The following RGS6 variants were observed in gnomAD, a reference collection of about 807,000 sequenced individuals.
The protein encoded by RGS6 is regulator of G protein signaling 6, also known as regulator of G-protein signaling 6.
Under a neutral mutation model 78.5 loss-of-function variants are expected in RGS6, and 30 were observed. The observed-to-expected ratio is 0.38, with a 90% CI of 0.29 to 0.52. The LOEUF (loss-of-function observed/expected upper bound fraction) is 0.52, where lower values mean the gene tolerates loss of function less well. Among genes scored for constraint, RGS6 ranks in the 20% least tolerant of loss-of-function variants. RGS6 has a pLI of 0.85. For missense variants in RGS6, 495 were observed against 609.7 expected, an observed-to-expected ratio of 0.81 and a Z score of 1.98; for synonymous variants, 206 against 206.0, an observed-to-expected ratio of 1.00 and a Z score of 0.00.
intron 2 of RGS6, among the ~76,000 whole-genome samples, chr14:72,126,099 A>C (rs1447617158): frequency 2.6e-5 from 4 of 152,216 alleles, no homozygotes; most frequent in Non-Finnish European, 5.9e-5. Flanking sequence ...CATCTGCCCA[A>C]GTACAGTAAA....
intron 3 of RGS6, among the ~76,000 whole-genome samples, chr14:72,400,645 T>A (rs2092277978): frequency 6.6e-6 from 1 of 152,212 alleles, no homozygotes; most frequent in South Asian, 2.1e-4. Flanking sequence ...GCCTCATAAT[T>A]GTTCAGTATT....
intron 2 of RGS6, among the ~76,000 whole-genome samples, chr14:72,183,667 C>T (rs1447879959): frequency 6.6e-6 from 1 of 152,062 alleles, no homozygotes; most frequent in African/African-American, 2.4e-5. Context: ...GGGAGGGGGA[C>T]ATACAGTAAG....
chr14:72,156,270 C>T (rs2096768742), intron 2 of RGS6, among the ~76,000 whole-genome samples: 1 of 152,116 alleles, frequency 6.6e-6, no homozygotes, highest in South Asian at 2.1e-4. Flanking sequence ...CATGGTGAAA[C>T]CTTGTCTCTA....
chr14:72,272,557 G>A (rs143869864), intron 2 of RGS6, among the ~76,000 whole-genome samples: 39 of 152,270 alleles, frequency 2.6e-4, no homozygotes, highest in African/African-American at 9.1e-4. Flanking sequence ...GGAAAATGCA[G>A]TGCCATTATT....
At chr14:72,554,820 T>C (rs2097548882) in intron 17 of RGS6, among the ~76,000 whole-genome samples, 2 of 152,214 alleles carry the variant, frequency 1.3e-5, no homozygotes, top group African/African-American at 2.4e-5. Context: ...AAAATGGAGA[T>C]GCACAACTTG....
chr14:72,410,875 T>C (rs1332078930), intron 3 of RGS6, among the ~76,000 whole-genome samples: 1 of 152,186 alleles, frequency 6.6e-6, no homozygotes, highest in African/African-American at 2.4e-5. Flanking sequence ...GATCAGATAG[T>C]TGTAGATATG....
chr14:72,620,547 G>C, the RGS6 span, among the ~76,000 whole-genome samples: 6 of 152,198 alleles, frequency 3.9e-5, no homozygotes, highest in African/African-American at 1.2e-4. Context: ...GCCCGGGTGA[G>C]AGCAGGGCAC....
At chr14:72,204,264 CTCAGAAG>C (rs1264360627) in intron 2 of RGS6, among the ~76,000 whole-genome samples, 90 of 152,336 alleles carry the variant, frequency 5.9e-4, no homozygotes, top group African/African-American at 2.1e-3. Context: ...GCAACCTAAT[CTCAGAAG>C]CAACATACCA....
chr14:71,936,502 A>G (rs12434220), intron 1 of RGS6, among the ~76,000 whole-genome samples: 42,529 of 152,014 alleles, frequency 0.28, 6,558 homozygotes, highest in Admixed American at 0.35. Flanking sequence ...GGTGACACTC[A>G]GTATTAACCA....
intron 2 of RGS6, among the ~76,000 whole-genome samples, chr14:72,098,301 T>G (rs2095451861): frequency 6.6e-6 from 1 of 152,232 alleles, no homozygotes; most frequent in Admixed American, 6.5e-5. Flanking sequence ...TTCATTTCCC[T>G]GGCCTCTTGG....
chr14:72,325,065 G>T (rs1328877927), intron 2 of RGS6, among the ~76,000 whole-genome samples: 2 of 152,146 alleles, frequency 1.3e-5, no homozygotes, highest in East Asian at 1.9e-4. Context: ...GTGTGAGATG[G>T]TATCTCATTG....
chr14:72,562,688 G>A lies in RGS6; in HGVS notation c.*221G>A. The A allele has an allele frequency of 6.5e-7, 1 of 1,536,152 alleles. No homozygotes were observed. ...TGGGCTGGGCCCGGTGGAGGCTCCT[G>A]TTTACAGCCCTCTCTTCTTTGTACA... is the stretch of plus-strand genomic sequence containing the variant. On this transcript the variant is annotated 3_prime_UTR_variant, in exon 18 of 18. Transcript: ENST00000553525.
the RGS6 span, among the ~76,000 whole-genome samples, chr14:71,916,605 G>A: frequency 3.0e-4 from 46 of 152,194 alleles, no homozygotes; most frequent in African/African-American, 1.1e-3. Flanking sequence ...AATGCTTTAG[G>A]AATTCTCCAG....
chr14:72,314,135 A>C (rs2069392665), intron 2 of RGS6, among the ~76,000 whole-genome samples: 1 of 152,196 alleles, frequency 6.6e-6, no homozygotes, highest in Non-Finnish European at 1.5e-5. Context: ...TTCATTGGAA[A>C]TGTTTTGTCT....
chr14:71,882,719 A>T, the RGS6 span, among the ~76,000 whole-genome samples: 1 of 152,248 alleles, frequency 6.6e-6, no homozygotes. Flanking sequence ...CCAAGGTTAT[A>T]ATTAATTCCT....
At chr14:72,175,446 T>C (rs936691133) in intron 2 of RGS6, among the ~76,000 whole-genome samples, 3 of 152,200 alleles carry the variant, frequency 2.0e-5, no homozygotes, top group African/African-American at 7.2e-5. Context: ...ACTGACTTGT[T>C]TTCTTCATGC....
intron 2 of RGS6, among the ~76,000 whole-genome samples, chr14:72,161,079 G>A (rs1210164100): frequency 1.3e-5 from 2 of 152,168 alleles, no homozygotes; most frequent in African/African-American, 2.4e-5. Flanking sequence ...GGATGAGTTC[G>A]TGTCCTTTGC....
intron 2 of RGS6, among the ~76,000 whole-genome samples, chr14:72,242,179 T>C (rs2053034457): frequency 2.0e-5 from 3 of 152,096 alleles, no homozygotes; most frequent in Non-Finnish European, 4.4e-5. Context: ...ACCCACCGAC[T>C]AGCCAGAGAT....
chr14:71,991,858 T>A (rs2094966433), intron 2 of RGS6, among the ~76,000 whole-genome samples: 1 of 152,194 alleles, frequency 6.6e-6, no homozygotes, highest in Admixed American at 6.5e-5. Flanking sequence ...ACTTACTGTC[T>A]CTTTCAGCTA....
Sources: gnomAD v4.1 joint callset for allele counts (sites outside exome capture counted in the v4.1 genomes callset) on GRCh38, gnomAD v4.1.1 for gene constraint, MANE v1.5 for transcripts, NCBI Gene and HGNC (gene_info 2026-07-23, HGNC 2026-07-21) for gene names.